Variants in ANO10 observed in about 807,000 individuals in gnomAD.
ANO10 encodes anoctamin 10.
A neutral mutation model predicts 74.7 loss-of-function variants in ANO10; 77 were observed. That is an observed-to-expected ratio of 1.03 (90% CI 0.86 to 1.25). The LOEUF is 1.25. ANO10 is among the 50% of genes most tolerant of loss of function. The pLI, the probability that ANO10 is intolerant of heterozygous loss-of-function variation, is 0.00. For missense variants in ANO10, 721 were observed against 778.1 expected (o/e 0.93, Z 0.87); for synonymous variants, 279 against 284.9 (o/e 0.98, Z 0.21).
chr3:43,441,120 C>T (rs2093152462), intron 11 of ANO10, among the ~76,000 whole-genome samples: 1 of 151,648 alleles, frequency 6.6e-6, no homozygotes, highest in African/African-American at 2.4e-5. Flanking sequence ...AATAACTTGA[C>T]TTTAACCTCA....
chr3:43,444,895 G>A (rs976165138), intron 11 of ANO10, among the ~76,000 whole-genome samples: 1 of 152,050 alleles, frequency 6.6e-6, no homozygotes, highest in African/African-American at 2.4e-5. Flanking sequence ...AGGCCAAGGC[G>A]GGCGGATCAC....
intron 1 of ANO10, among the ~76,000 whole-genome samples, chr3:43,681,665 C>T (rs1181359655): frequency 6.6e-6 from 1 of 152,264 alleles, no homozygotes; most frequent in East Asian, 1.9e-4. Context: ...CCAAAATTGA[C>T]CACATAGTTG....
intron 12 of ANO10, among the ~76,000 whole-genome samples, chr3:43,402,599 A>T (rs1270277296): frequency 6.6e-6 from 1 of 152,098 alleles, no homozygotes; most frequent in Non-Finnish European, 1.5e-5. Context: ...ACCTGGCTAC[A>T]GGCTGAAGGA....
At chr3:43,616,379 C>A (rs2083107104) in intron 1 of ANO10, among the ~76,000 whole-genome samples, 1 of 152,194 alleles carries the variant, frequency 6.6e-6, no homozygotes, top group South Asian at 2.1e-4. Flanking sequence ...TTTTTGTGAA[C>A]TTACCAGCCA....
intron 11 of ANO10, among the ~76,000 whole-genome samples, chr3:43,536,052 A>G (rs1337862829): frequency 6.6e-6 from 1 of 152,184 alleles, no homozygotes; most frequent in Non-Finnish European, 1.5e-5. Flanking sequence ...AGTCTTTTGT[A>G]TTTTAAAAAC....
chr3:43,466,387 ACAAAC>A, intron 11 of ANO10, among the ~76,000 whole-genome samples: 1 of 120,052 alleles, frequency 8.3e-6, no homozygotes. Flanking sequence ...AAAAAAAAAA[ACAAAC>A]AAAAAAACCA....
chr3:43,549,711 T>C lies in ANO10; in HGVS notation c.1797+9A>G. 1 of 1,613,918 alleles carries C rather than the reference T, an allele frequency of 6.2e-7. No individual in the cohort carries two copies. Among genetic ancestry groups the C allele is most frequent in the Non-Finnish European group, 8.5e-7 (1 of 1,179,802 alleles). ...ATACTGCTTAAAATAAGTTTAAATC[T>C]TTACTTACCTCCACTGCTACTACAA... On this transcript the variant is annotated intron_variant, in intron 11 of 12. Transcript: ENST00000292246.
intron 1 of ANO10, chr3:43,689,407 T>G (rs191353653): frequency 4.9e-4 from 75 of 152,344 alleles, no homozygotes; most frequent in African/African-American, 1.6e-3. Flanking sequence ...CATTCTTTAG[T>G]TTCTCAGCTC....
At chr3:43,475,804 G>A (rs1013113976) in intron 11 of ANO10, among the ~76,000 whole-genome samples, 10 of 152,088 alleles carry the variant, frequency 6.6e-5, no homozygotes, top group African/African-American at 2.4e-4. Flanking sequence ...GTTTCACCAT[G>A]TTGGCCAGGC....
At chr3:43,678,757 C>T (rs952612825) in intron 1 of ANO10, among the ~76,000 whole-genome samples, 3 of 152,136 alleles carry the variant, frequency 2.0e-5, no homozygotes, top group Admixed American at 6.5e-5. Flanking sequence ...GGCTCATACT[C>T]CTACAGTAAA....
intron 7 of ANO10, among the ~76,000 whole-genome samples, chr3:43,572,575 T>G (rs2080790292): frequency 6.6e-6 from 1 of 152,188 alleles, no homozygotes; most frequent in African/African-American, 2.4e-5. Context: ...TGAACTCCCC[T>G]GCCCTGCCAG....
chr3:43,602,069 T>A (rs561535311), intron 2 of ANO10, among the ~76,000 whole-genome samples: 1 of 152,224 alleles, frequency 6.6e-6, no homozygotes, highest in Non-Finnish European at 1.5e-5. Flanking sequence ...TTCTCCGAAC[T>A]GGGCTGTGGT....
intron 11 of ANO10, among the ~76,000 whole-genome samples, chr3:43,502,415 G>T (rs942331778): frequency 6.6e-6 from 1 of 152,118 alleles, no homozygotes; most frequent in African/African-American, 2.4e-5. Flanking sequence ...TGCCAGAGCT[G>T]GTTGTCAGAA....
chr3:43,572,603 G>A (rs1318337692), intron 7 of ANO10, among the ~76,000 whole-genome samples: 1 of 152,152 alleles, frequency 6.6e-6, no homozygotes, highest in Admixed American at 6.5e-5. Flanking sequence ...GAAGCAGGCT[G>A]GGTGAAGGGG....
At chr3:43,427,377 C>T (rs772354265) in intron 12 of ANO10, among the ~76,000 whole-genome samples, 2 of 152,102 alleles carry the variant, frequency 1.3e-5, no homozygotes, top group Non-Finnish European at 2.9e-5. Flanking sequence ...ATCTTCAGGG[C>T]ATAGGGTCTA....
intron 11 of ANO10, among the ~76,000 whole-genome samples, chr3:43,510,922 A>G (rs954982333): frequency 6.6e-6 from 1 of 152,232 alleles, no homozygotes; most frequent in East Asian, 1.9e-4. Context: ...TTAAAATAGT[A>G]GGACACAATC....
intron 12 of ANO10, among the ~76,000 whole-genome samples, chr3:43,424,008 C>T (rs1188591467): frequency 6.6e-6 from 1 of 152,120 alleles, no homozygotes; most frequent in African/African-American, 2.4e-5. Flanking sequence ...TGGGTTCACC[C>T]AGCGAATGCA....
At chr3:43,656,003 G>A (rs59735917) in intron 1 of ANO10, among the ~76,000 whole-genome samples, 1,713 of 67,350 alleles carry the variant, frequency 0.025, 20 homozygotes, top group South Asian at 0.08. Flanking sequence ...AGACATAAAG[G>A]TTCTCCACGT....
intron 1 of ANO10, among the ~76,000 whole-genome samples, chr3:43,645,126 T>C (rs1435865686): frequency 6.6e-6 from 1 of 152,246 alleles, no homozygotes; most frequent in African/African-American, 2.4e-5. Flanking sequence ...TGATTCAACT[T>C]GATTATTCAT....
Sources: allele counts gnomAD v4.1 joint callset (sites outside exome capture counted in the v4.1 genomes callset), GRCh38; gene constraint gnomAD v4.1.1; transcripts MANE v1.5; gene names NCBI Gene and HGNC (gene_info 2026-07-23, HGNC 2026-07-21).